Variants in ERCC5 observed in about 807,000 individuals in gnomAD.
ERCC5 encodes ERCC excision repair 5, endonuclease.
In ERCC5, 68 loss-of-function variants were observed where a neutral mutation model predicts 105.6. The ratio of observed to expected loss-of-function variants is 0.64; its 90% CI spans 0.53 to 0.79. The LOEUF (loss-of-function observed/expected upper bound fraction) is 0.79, where lower values mean the gene tolerates loss of function less well. ERCC5 is among the 30% of genes least tolerant of loss of function. ERCC5 has a pLI of 0.00. For missense variants in ERCC5, 1,373 were observed against 1,426.7 expected, an observed-to-expected ratio of 0.96 and a Z score of 0.61; for synonymous variants, 546 against 526.2, an observed-to-expected ratio of 1.04 and a Z score of -0.51.
At chr13:102,869,855 C>T (rs555443015) in intron 12 of ERCC5, among the ~76,000 whole-genome samples, 3 of 152,106 alleles carry the variant, frequency 2.0e-5, no homozygotes, top group Non-Finnish European at 4.4e-5. Context: ...GTTTGTGTTT[C>T]TGATTTAGTG....
intron 1 of ERCC5, 51 bp downstream of exon 1, chr13:102,846,405 T>C (rs962237904): frequency 1.7e-5 from 25 of 1,513,662 alleles, no homozygotes; most frequent in Non-Finnish European, 2.3e-5. Context: ...CGGGGCTGGA[T>C]TCCTCGCGGG....
Position 102,862,067 on chromosome 13 carries a change from GTC to G in ERCC5, c.922_923del (p.Leu308SerfsTer12), listed in dbSNP as rs1882641004. The G allele has an allele frequency of 6.2e-7, 1 of 1,614,210 alleles. No homozygotes were observed. The highest frequency in any genetic ancestry group is 8.5e-7 in the Non-Finnish European group (1 of 1,180,030). On this transcript the variant is annotated frameshift_variant, in exon 8 of 15. Transcript: ENST00000652225. LOFTEE classifies it high-confidence loss of function. ...AGACAGTTGCAGAAGTGGATTCAGA[GTC>G]TCTTCCTTCTTCCAGCAAAATGCAC... Reference protein sequence around the residue: ...AKTVAEVDSESLPSSSKMHGM... With the variant: ...AKTVAEVDSEXLPSSSKMHGM...
intron 10 of ERCC5, 27 bp from the exon 11 acceptor site, chr13:102,866,605 C>G (rs766604061): frequency 6.2e-7 from 1 of 1,611,598 alleles, no homozygotes; most frequent in East Asian, 2.2e-5. Flanking sequence ...CTTCCCTGGG[C>G]GTCACTGTGT....
At position 102,872,383 on chromosome 13, in the gene ERCC5, T is replaced by G; in HGVS notation, c.2864T>G (p.Leu955Arg). 2.5e-6 allele frequency: 4 copies of G among 1,614,208 alleles called. No homozygotes were observed. Among genetic ancestry groups the G allele is most frequent in the Non-Finnish European group, 2.5e-6 (3 of 1,180,034 alleles). Reference sequence around the variant, plus strand: ...TCCTTTCTGTGGGGGAAACCTGATCTCGACAAAATTAGAGAATATCCTTTG... The same window carrying G: ...TCCTTTCTGTGGGGGAAACCTGATCGCGACAAAATTAGAGAATATCCTTTG... ...KGSFLWGKPD[L>R]DKIREFCQRY... Residue 955 changes from leucine to arginine, a missense_variant, in exon 13 of 15, where the codon CTC becomes CGC. Coordinates refer to ENST00000652225, the MANE Select transcript of ERCC5 (RefSeq NM_000123.4).
In ERCC5 at chr13:102,862,979, G is replaced by A; in HGVS notation, c.1830G>A (p.Glu610=). The stretch of plus-strand genomic sequence containing the variant: ...ATGTGGTGTCATTTAATGCTAAAGA[G>A]CATGAGAATTTTCTGGAAACCATCC... The part of the protein sequence containing the change: ...VENVVSFNAK[E]HENFLETIQE... Residue 610 remains glutamate, a synonymous_variant, in exon 8 of 15, where the codon GAG becomes GAA. Transcript: ENST00000652225. 6.2e-7 allele frequency: 1 copy of A among 1,614,196 alleles called. No individual in the cohort carries two copies. Among genetic ancestry groups the A allele is most frequent in the South Asian group, 1.1e-5 (1 of 91,084 alleles).
At chr13:102,860,938 T>C (rs1376935253) in intron 6 of ERCC5, among the ~76,000 whole-genome samples, 1 of 152,136 alleles carries the variant, frequency 6.6e-6, no homozygotes, top group Non-Finnish European at 1.5e-5. Flanking sequence ...CATTACATGC[T>C]CAATACATGT....
chr13:102,869,038 A>G (rs1882943110), intron 12 of ERCC5, among the ~76,000 whole-genome samples: 1 of 152,192 alleles, frequency 6.6e-6, no homozygotes, highest in African/African-American at 2.4e-5. Flanking sequence ...AACCGTCACT[A>G]TGTCGTGAGA....
intron 4 of ERCC5, 34 bp from the exon 5 acceptor site, chr13:102,856,018 T>G: frequency 6.2e-7 from 1 of 1,609,968 alleles, no homozygotes. Context: ...TCCTTAAAAA[T>G]CATAGATATC....
chr13:102,854,845 C>T (rs1383009640), intron 4 of ERCC5, among the ~76,000 whole-genome samples: 1 of 152,242 alleles, frequency 6.6e-6, no homozygotes, highest in Admixed American at 6.5e-5. Context: ...CGGCATCTCT[C>T]TGGCGCTTTC....
rs142351937 is a variant in ERCC5 at position 102,847,706 on chromosome 13, C to A, written c.88+1352C>A. ...TTGTTTTGTTTTTTGTTTTTTAGAGCACATGCGCTGTTGCTGCCCTCAAGC... is the reference window on the plus strand; with the variant it reads ...TTGTTTTGTTTTTTGTTTTTTAGAGAACATGCGCTGTTGCTGCCCTCAAGC... On this transcript the variant is annotated intron_variant, in intron 1 of 14. Coordinates refer to ENST00000652225, the MANE Select transcript of ERCC5 (RefSeq NM_000123.4). Among the ~76,000 whole-genome samples, 223 of 152,206 alleles carry A rather than the reference C, an allele frequency of 1.5e-3. 1 individual carries two copies. The highest frequency in any genetic ancestry group is 5.0e-3 in the African/African-American group (207 of 41,526).
intron 5 of ERCC5, among the ~76,000 whole-genome samples, chr13:102,857,789 T>C (rs540780694): frequency 1.3e-5 from 2 of 152,340 alleles, no homozygotes; most frequent in South Asian, 4.1e-4. Flanking sequence ...CTCTTTGATA[T>C]CTTCCAAGTC....
Position 102,865,572 on chromosome 13 carries a change from A to G in ERCC5, c.1955-95A>G, listed in dbSNP as rs1882801610. The G allele has an allele frequency of 3.9e-6, 6 of 1,523,052 alleles. No individual in the cohort carries two copies. In the Admixed American group the frequency reaches 7.4e-5, roughly 19 times the overall value. The allele number at this position is 1,523,052 out of a possible 1,614,324, so 94.3% of individuals were successfully genotyped here. A position where few individuals can be genotyped will look rare whatever the true frequency, so the allele number is the denominator to read the frequency against. ...GTCATATCTTTCCTTTTTAGGATGT[A>G]GCATTTTTCAGGTTCCTCCAGAAAG... is the stretch of plus-strand genomic sequence containing the variant. On this transcript the variant is annotated intron_variant, in intron 8 of 14. Coordinates refer to ENST00000652225, the MANE Select transcript of ERCC5 (RefSeq NM_000123.4). This position sits in a 1 kb window ranked among gnomAD's most constrained non-coding sequence, Gnocchi z 4.0.
Position 102,852,267 on chromosome 13 carries a change from G to T in ERCC5, c.238G>T (p.Ala80Ser). The T allele has an allele frequency of 6.2e-7, 1 of 1,614,048 alleles. No individual in the cohort carries two copies. Among genetic ancestry groups the T allele is most frequent in the East Asian group, 2.2e-5 (1 of 44,852 alleles). ...TCCTATTTTTGTGTTTGATGGGGATGCTCCACTATTGAAGAAACAGACTTT... is the reference window on the plus strand; with the variant it reads ...TCCTATTTTTGTGTTTGATGGGGATTCTCCACTATTGAAGAAACAGACTTT... ...IRPIFVFDGD[A>S]PLLKKQTLVK... The change falls in exon 2 of 15, where the codon GCT becomes TCT. Residue 80 changes from alanine to serine, a missense_variant. This residue lies in a region of ERCC5 where 1,004 missense variants were observed against 1,059.7 expected (regional missense o/e 0.95). Coordinates refer to ENST00000652225, the MANE Select transcript of ERCC5 (RefSeq NM_000123.4).
chr13:102,868,887 C>T (rs1359202160), intron 12 of ERCC5, among the ~76,000 whole-genome samples: 1 of 152,168 alleles, frequency 6.6e-6, no homozygotes, highest in Non-Finnish European at 1.5e-5. Flanking sequence ...ATGAGTATGT[C>T]TGGGAAAGTA....
At chr13:102,849,569 A>G (rs1882117445) in intron 1 of ERCC5, 2 of 372,620 alleles carry the variant, frequency 5.4e-6, no homozygotes, top group Non-Finnish European at 1.1e-5. Context: ...TTAATTGTTG[A>G]TGGACCTACA....
At chr13:102,866,890 C>A in intron 11 of ERCC5, 45 bp downstream of exon 11, 1 of 1,558,658 alleles carries the variant, frequency 6.4e-7, no homozygotes, top group Non-Finnish European at 8.7e-7. Flanking sequence ...CATTTACCTT[C>A]AGAGTTTGTC....
At chr13:102,854,050 T>C (rs1369135181) in intron 3 of ERCC5, 178 bp downstream of exon 3, 2 of 739,800 alleles carry the variant, frequency 2.7e-6, no homozygotes, top group Non-Finnish European at 4.5e-6. Context: ...CAATTCTCCG[T>C]TCTGTGAGAA....
In ERCC5 at chr13:102,875,651, A is replaced by G; in HGVS notation, c.3309A>G (p.Glu1103=). The change falls in exon 15 of 15, where the codon GAA becomes GAG. Residue 1103 remains glutamate (E), a synonymous_variant. Coordinates refer to ENST00000652225, the MANE Select transcript of ERCC5 (RefSeq NM_000123.4). ...AATCATCTGATGGATCTTCAAGTGA[A>G]GATGCTGAAAGTTCATCTTTAATGA... is the stretch of plus-strand genomic sequence containing the variant. ...LSESSDGSSS[E]DAESSSLMNV... The G allele has an allele frequency of 6.2e-7, 1 of 1,614,172 alleles. No homozygotes were observed. Among genetic ancestry groups the G allele is most frequent in the South Asian group, 1.1e-5 (1 of 91,070 alleles).
intron 14 of ERCC5, among the ~76,000 whole-genome samples, chr13:102,874,552 C>T (rs1309821899): frequency 6.6e-6 from 1 of 152,080 alleles, no homozygotes; most frequent in Non-Finnish European, 1.5e-5. Context: ...GACGGAGTCT[C>T]ACTCTGTCTC....
Sources: gnomAD v4.1 joint callset for allele counts (sites outside exome capture counted in the v4.1 genomes callset) on GRCh38, gnomAD v4.1.1 for gene constraint, gnomAD v4.1.1 regional missense constraint, Gnocchi (gnomAD v3.1) non-coding constraint, MANE v1.5 for transcripts, NCBI Gene and HGNC (gene_info 2026-07-23, HGNC 2026-07-21) for gene names.